PIK3CD: variants seen among roughly 807,000 people sequenced by gnomAD.
The protein encoded by PIK3CD is phosphatidylinositol 4,5-bisphosphate 3-kinase catalytic subunit delta isoform.
A neutral mutation model predicts 122.9 loss-of-function variants in PIK3CD; 20 were observed. The observed-to-expected ratio is 0.16, with a 90% CI of 0.11 to 0.24. The LOEUF (loss-of-function observed/expected upper bound fraction) is 0.24. PIK3CD is among the 10% of genes least tolerant of loss of function. The pLI, the probability that PIK3CD is intolerant of heterozygous loss-of-function variation, is 1.00. For missense variants in PIK3CD, 787 were observed against 1,406.3 expected (o/e 0.56, Z 7.04); for synonymous variants, 596 against 593.4 (o/e 1.00, Z -0.06).
chr1:9,652,326 C>G lies in PIK3CD; in HGVS notation c.-138+524C>G, dbSNP rs900087596. 6.6e-6 allele frequency among the ~76,000 whole-genome samples: 1 copy of G among 152,040 alleles called. No homozygotes were observed. The highest frequency in any genetic ancestry group is 2.4e-5 in the African/African-American group (1 of 41,402). ...CGCGGAGAGAGGGCTGCGCACAGTT[C>G]GCCGGCGCCCGGGTCCTGTGCGCCC... On this transcript the variant is annotated intron_variant, in intron 1 of 23. Transcript: ENST00000377346. This position sits in a 1 kb window ranked among gnomAD's most constrained non-coding sequence, Gnocchi z 6.2.
At chr1:9,713,777 T>A (rs753981592) in intron 3 of PIK3CD, among the ~76,000 whole-genome samples, 2 of 151,136 alleles carry the variant, frequency 1.3e-5, no homozygotes, top group Non-Finnish European at 2.9e-5. Context: ...TTATTATTAT[T>A]ATTATTATTT....
intron 5 of PIK3CD, 112 bp downstream of exon 5, chr1:9,716,190 G>T (rs1048488528): frequency 1.1e-5 from 11 of 978,766 alleles, no homozygotes; most frequent in African/African-American, 1.6e-5. Flanking sequence ...GCATCAGATG[G>T]TGTTTGCCAG....
In PIK3CD at chr1:9,718,959, C is replaced by A; in HGVS notation, c.1242+44C>A. On this transcript the variant is annotated intron_variant, in intron 9 of 23. Coordinates refer to ENST00000377346, the MANE Select transcript of PIK3CD (RefSeq NM_005026.5). This position sits in a 1 kb window ranked among gnomAD's most constrained non-coding sequence, Gnocchi z 7.2. ...TGGGAGGGGTGCAGACCCCGGAGAG[C>A]CAGTACAGCCCCTTGCTGGGCCACT... 6.4e-7 allele frequency: 1 copy of A among 1,554,472 alleles called. No individual in the cohort carries two copies. The highest frequency in any genetic ancestry group is 8.8e-7 in the Non-Finnish European group (1 of 1,133,378).
chr1:9,643,169 G>A, the PIK3CD span, among the ~76,000 whole-genome samples: 1 of 151,980 alleles, frequency 6.6e-6, no homozygotes, highest in African/African-American at 2.4e-5. Context: ...AGCACTTTGG[G>A]AGGCCAAGAC....
In PIK3CD at chr1:9,724,387, C is replaced by G. The variant is rs757964104; in HGVS notation, c.2830C>G (p.Gln944Glu). 2.0e-5 allele frequency: 33 copies of G among 1,613,988 alleles called. No homozygotes were observed. Among genetic ancestry groups the G allele is most frequent in the Non-Finnish European group, 2.5e-5 (30 of 1,180,022 alleles). Residue 944 changes from glutamine to glutamate, a missense_variant, in exon 22 of 24, where the codon CAG (glutamine) becomes GAG (glutamate). Gln to Glu is a conservative substitution (Grantham distance 29, BLOSUM62 2). This residue lies in a region of PIK3CD where 60 missense variants were observed against 129.5 expected (regional missense o/e 0.46). Transcript: ENST00000377346. The surrounding 1 kb of genome is among the most constrained non-coding windows in gnomAD (Gnocchi z 7.3). Reference sequence around the variant, plus strand: ...CTACGACTTTGTCCATGTGATTCAGCAGGGGAAGACTAATAATAGTGAGAA... The same window carrying G: ...CTACGACTTTGTCCATGTGATTCAGGAGGGGAAGACTAATAATAGTGAGAA... ...LTYDFVHVIQQGKTNNSEKFE... is the reference protein window; with the variant it reads ...LTYDFVHVIQEGKTNNSEKFE...
chr1:9,634,545 C>T, the PIK3CD span, among the ~76,000 whole-genome samples: 3 of 151,452 alleles, frequency 2.0e-5, no homozygotes, highest in Admixed American at 6.6e-5. Flanking sequence ...GTGATCTGCC[C>T]GCCTTGGCCT....
At chr1:9,653,532 G>C (rs1644743172) in intron 1 of PIK3CD, 1 of 299,244 alleles carries the variant, frequency 3.3e-6, no homozygotes, top group Non-Finnish European at 6.5e-6. Context: ...ATTCTCTTGG[G>C]GGGGATTTGG....
intron 1 of PIK3CD, among the ~76,000 whole-genome samples, chr1:9,681,956 T>C (rs1006824187): frequency 6.6e-6 from 1 of 152,206 alleles, no homozygotes; most frequent in Non-Finnish European, 1.5e-5. Flanking sequence ...GCCCAGGACT[T>C]AGCTTTGGAC....
chr1:9,649,898 A>G (rs1644641143), upstream of PIK3CD, among the ~76,000 whole-genome samples: 1 of 152,178 alleles, frequency 6.6e-6, no homozygotes, highest in Non-Finnish European at 1.5e-5. Context: ...TGTCTCCCCG[A>G]GCCTCTCAGT....
chr1:9,693,899 A>G (rs1270332815), intron 2 of PIK3CD, among the ~76,000 whole-genome samples: 1 of 152,144 alleles, frequency 6.6e-6, no homozygotes, highest in Non-Finnish European at 1.5e-5. Context: ...GGCTGGAAGC[A>G]GGAAGATTAC....
chr1:9,722,186 C>T lies in PIK3CD; in HGVS notation c.2234+33C>T. ...CAAGCCCCGCCACAAGGGTTCCTCC[C>T]ACCCCTGGGAGGCCGGTAGAGGAGC... On this transcript the variant is annotated intron_variant, in intron 17 of 23. Transcript: ENST00000377346. This position sits in a 1 kb window ranked among gnomAD's most constrained non-coding sequence, Gnocchi z 7.6. 1 of 1,612,040 alleles carries T rather than the reference C, an allele frequency of 6.2e-7. No homozygotes were observed. The highest frequency in any genetic ancestry group is 1.1e-5 in the South Asian group (1 of 90,892).
chr1:9,646,329 CAAAAG>C, the PIK3CD span, among the ~76,000 whole-genome samples: 2 of 152,170 alleles, frequency 1.3e-5, no homozygotes, highest in Non-Finnish European at 2.9e-5. Flanking sequence ...CCCGCCGTAA[CAAAAG>C]ACAGATTCAC....
upstream of PIK3CD, among the ~76,000 whole-genome samples, chr1:9,647,156 G>A (rs1022836426): frequency 3.3e-5 from 5 of 151,098 alleles, no homozygotes; most frequent in Non-Finnish European, 4.4e-5. Context: ...GTTCACAGCT[G>A]TAATCCCAAC....
intron 2 of PIK3CD, among the ~76,000 whole-genome samples, chr1:9,702,494 A>C (rs1646673892): frequency 3.3e-5 from 2 of 61,258 alleles, no homozygotes; most frequent in African/African-American, 5.2e-5. Context: ...CAAGGAAAGA[A>C]CTTTCCTTTT....
At chr1:9,673,688 C>A (rs1312012857) in intron 1 of PIK3CD, among the ~76,000 whole-genome samples, 2 of 152,198 alleles carry the variant, frequency 1.3e-5, no homozygotes, top group Non-Finnish European at 1.5e-5. Flanking sequence ...CAGATGTGAG[C>A]CACAGCGCCC....
At chr1:9,686,112 C>T (rs994999593) in intron 1 of PIK3CD, among the ~76,000 whole-genome samples, 1 of 152,204 alleles carries the variant, frequency 6.6e-6, no homozygotes, top group Non-Finnish European at 1.5e-5. Flanking sequence ...AGCAAATACT[C>T]TTCCATCTTC....
In PIK3CD at chr1:9,727,120, G is replaced by GGCT; in HGVS notation, c.*76_*78dup. 1 of 1,569,398 alleles carries GGCT rather than the reference G, an allele frequency of 6.4e-7. No individual in the cohort carries two copies. Among genetic ancestry groups the GGCT allele is most frequent in the Non-Finnish European group, 8.8e-7 (1 of 1,142,264 alleles). On this transcript the variant is annotated 3_prime_UTR_variant, in exon 24 of 24. Transcript: ENST00000377346. ...GGACCAAGCACATTGGTCCTAAAGG[G>GGCT]GCTGAAGAGCCTGAACTGCACCTAA...
intron 2 of PIK3CD, among the ~76,000 whole-genome samples, chr1:9,705,548 GAC>G (rs1491094511): frequency 6.6e-6 from 1 of 151,806 alleles, no homozygotes; most frequent in Non-Finnish European, 1.5e-5. Flanking sequence ...TCACCAAAAA[GAC>G]ACCATAAGCA....
At chr1:9,631,860 C>T in the PIK3CD span, among the ~76,000 whole-genome samples, 1 of 152,136 alleles carries the variant, frequency 6.6e-6, no homozygotes, top group African/African-American at 2.4e-5. Context: ...TCTCAAATAC[C>T]TCTCCCCCGT....
Sources: allele counts gnomAD v4.1 joint callset (sites outside exome capture counted in the v4.1 genomes callset), GRCh38; gene constraint gnomAD v4.1.1; regional missense constraint gnomAD v4.1.1; non-coding constraint Gnocchi (gnomAD v3.1); transcripts MANE v1.5; gene names NCBI Gene and HGNC (gene_info 2026-07-23, HGNC 2026-07-21).